ZC3H13: variants seen among roughly 807,000 people sequenced by gnomAD.
The protein encoded by ZC3H13 is zinc finger CCCH-type containing 13.
A neutral mutation model predicts 204.1 loss-of-function variants in ZC3H13; 64 were observed. The ratio of observed to expected loss-of-function variants is 0.31; its 90% CI spans 0.26 to 0.39. The LOEUF (loss-of-function observed/expected upper bound fraction) is 0.39, where lower values mean the gene tolerates loss of function less well. Among genes scored for constraint, ZC3H13 ranks in the 10% least tolerant of loss-of-function variants. The pLI is 1.00. For missense variants in ZC3H13, 1,833 were observed against 2,082.7 expected, an observed-to-expected ratio of 0.88 and a Z score of 2.33; for synonymous variants, 667 against 693.7, an observed-to-expected ratio of 0.96 and a Z score of 0.60.
intron 8 of ZC3H13, among the ~76,000 whole-genome samples, chr13:46,001,710 AAAT>A (rs563564062): frequency 3.3e-5 from 5 of 152,190 alleles, no homozygotes; most frequent in Admixed American, 6.5e-5. Context: ...CAAAATACCA[AAAT>A]AAAAGTACAA....
At chr13:46,035,840 T>C (rs555183267) in intron 4 of ZC3H13, among the ~76,000 whole-genome samples, 8 of 152,202 alleles carry the variant, frequency 5.3e-5, no homozygotes, top group Non-Finnish European at 1.2e-4. Flanking sequence ...ACTCAAGATA[T>C]AGTTAGTAAC....
At chr13:46,017,730 C>A (rs536582779) in intron 5 of ZC3H13, among the ~76,000 whole-genome samples, 1 of 152,102 alleles carries the variant, frequency 6.6e-6, no homozygotes, top group South Asian at 2.1e-4. Flanking sequence ...TTTTCTGAAT[C>A]CAGCTAAAAT....
chr13:46,050,057 T>C (rs995244076), intron 1 of ZC3H13, among the ~76,000 whole-genome samples: 3 of 152,178 alleles, frequency 2.0e-5, no homozygotes, highest in Non-Finnish European at 2.9e-5. Flanking sequence ...TATTTTCCTA[T>C]TTCTCCTCTC....
intron 3 of ZC3H13, among the ~76,000 whole-genome samples, chr13:46,044,541 C>T (rs1444750783): frequency 6.6e-6 from 1 of 152,102 alleles, no homozygotes; most frequent in African/African-American, 2.4e-5. Flanking sequence ...AGAATTTGTA[C>T]AAAATTTGAA....
At chr13:45,964,070 T>C (rs1357326774) in intron 16 of ZC3H13, 28 bp from the exon 17 acceptor site, 3 of 1,584,816 alleles carry the variant, frequency 1.9e-6, no homozygotes, top group Non-Finnish European at 2.6e-6. Flanking sequence ...GTAAGATTTG[T>C]TTTACACCAA....
chr13:46,005,472 G>A (rs547187637), intron 7 of ZC3H13, among the ~76,000 whole-genome samples: 101 of 151,924 alleles, frequency 6.6e-4, no homozygotes, highest in Non-Finnish European at 1.2e-3. Context: ...TGGCAATCTC[G>A]TTGTTCTGCT....
chr13:46,041,276 T>C (rs559327094), intron 4 of ZC3H13, among the ~76,000 whole-genome samples: 2 of 152,096 alleles, frequency 1.3e-5, no homozygotes, highest in Non-Finnish European at 2.9e-5. Context: ...ATGCATCCCA[T>C]ACTCTTTCAC....
intron 16 of ZC3H13, among the ~76,000 whole-genome samples, chr13:45,964,836 T>C (rs1015065934): frequency 1.3e-5 from 2 of 152,146 alleles, no homozygotes; most frequent in Admixed American, 1.3e-4. Flanking sequence ...AATTACCAAA[T>C]TTAGAAAATT....
intron 2 of ZC3H13, 109 bp from the exon 3 acceptor site, chr13:46,045,173 T>C (rs1324673898): frequency 4.8e-6 from 5 of 1,047,066 alleles, no homozygotes; most frequent in Non-Finnish European, 6.9e-6. Flanking sequence ...TAACCTGTGA[T>C]ATATTACTCC....
At chr13:46,012,571 T>C (rs1054631004) in intron 5 of ZC3H13, among the ~76,000 whole-genome samples, 1 of 152,176 alleles carries the variant, frequency 6.6e-6, no homozygotes, top group Non-Finnish European at 1.5e-5. Flanking sequence ...CAACTATCCA[T>C]TCATGCTTGG....
chr13:45,984,468 ATAT>A (rs1424533822), intron 10 of ZC3H13, among the ~76,000 whole-genome samples: 10 of 152,320 alleles, frequency 6.6e-5, no homozygotes, highest in African/African-American at 2.2e-4. Context: ...TTAATGAGAA[ATAT>A]TATAAATTGA....
chr13:45,967,878 C>T lies in ZC3H13; in HGVS notation c.3947G>A (p.Arg1316Lys). 14 of 1,613,992 alleles carry T rather than the reference C, an allele frequency of 8.7e-6. No individual in the cohort carries two copies. Among genetic ancestry groups the T allele is most frequent in the Non-Finnish European group, 1.2e-5 (14 of 1,179,988 alleles). The part of the protein sequence containing the change: ...EHDRERERER[R>K]DTRQREWDRD... ...GTCCCATTCTCTCTGCCTCGTATCT[C>T]TCCTCTCTCTCTCGCGCTCTCTGTC... The change falls in exon 15 of 19, where the codon AGA (arginine) becomes AAA (lysine). Residue 1316 changes from arginine to lysine, a missense_variant. By Grantham distance (26) the Arg-to-Lys change is conservative. Around this residue, in one of 5 missense-constraint regions of ZC3H13, gnomAD observed 1,574 missense variants for 1,757.2 expected, o/e 0.90. Coordinates refer to ENST00000679008, the MANE Select transcript of ZC3H13 (RefSeq NM_001330564.2).
intron 1 of ZC3H13, 132 bp from the exon 2 acceptor site, chr13:46,045,648 A>G (rs768064877): frequency 1.3e-4 from 86 of 671,290 alleles, no homozygotes; most frequent in Non-Finnish European, 2.0e-4. Flanking sequence ...GGAGATTAAA[A>G]AAAAAAAGCA....
intron 18 of ZC3H13, among the ~76,000 whole-genome samples, chr13:45,959,262 T>C (rs1392950534): frequency 6.6e-6 from 1 of 152,172 alleles, no homozygotes; most frequent in African/African-American, 2.4e-5. Flanking sequence ...TTAACAGAAA[T>C]GGAATATTTT....
At chr13:45,962,171 T>C in intron 17 of ZC3H13, 1 of 985,402 alleles carries the variant, frequency 1.0e-6, no homozygotes, top group Non-Finnish European at 1.2e-6. Flanking sequence ...TAATTAGACC[T>C]TGGATATGGC....
rs1951259093 is a variant in ZC3H13 at position 45,956,069 on chromosome 13, T to C, written c.*1058A>G. ...AAGAGTCCACTTCATGAGTTAAACATATACATATAGAACAAAGCAGGTATA... is the reference window on the plus strand; with the variant it reads ...AAGAGTCCACTTCATGAGTTAAACACATACATATAGAACAAAGCAGGTATA... On this transcript the variant is annotated 3_prime_UTR_variant, in exon 19 of 19. Transcript: ENST00000679008. 2 of 152,144 alleles carry C rather than the reference T, an allele frequency of 1.3e-5. No homozygotes were observed. The highest frequency in any genetic ancestry group is 4.8e-5 in the African/African-American group (2 of 41,446). 9.4% of individuals were successfully genotyped at this position (152,144 alleles called of 1,614,324 possible).
At chr13:45,957,636 T>C (rs1566130846) in intron 18 of ZC3H13, among the ~76,000 whole-genome samples, 1 of 152,246 alleles carries the variant, frequency 6.6e-6, no homozygotes, top group Non-Finnish European at 1.5e-5. Context: ...AATGGCACTA[T>C]TTCTTCCATG....
intron 3 of ZC3H13, among the ~76,000 whole-genome samples, chr13:46,044,649 G>C (rs1363348858): frequency 6.6e-6 from 1 of 151,986 alleles, no homozygotes; most frequent in Non-Finnish European, 1.5e-5. Context: ...AGACACCATG[G>C]AATTCTGCTG....
chr13:45,973,843 G>T (rs1050182129), intron 12 of ZC3H13, among the ~76,000 whole-genome samples: 3 of 152,204 alleles, frequency 2.0e-5, no homozygotes. Context: ...TGAAGTTTAT[G>T]TTCAGGTAAG....
Sources: allele counts gnomAD v4.1 joint callset (sites outside exome capture counted in the v4.1 genomes callset), GRCh38; gene constraint gnomAD v4.1.1; regional missense constraint gnomAD v4.1.1; transcripts MANE v1.5; gene names NCBI Gene and HGNC (gene_info 2026-07-23, HGNC 2026-07-21).